DKK2: variants seen among roughly 807,000 people sequenced by gnomAD.
The protein encoded by DKK2 is dickkopf-related protein 2.
In DKK2, 11 loss-of-function variants were observed where a neutral mutation model predicts 28.1. That is an observed-to-expected ratio of 0.39 (90% CI 0.25 to 0.65). The LOEUF (loss-of-function observed/expected upper bound fraction) is 0.65. Ranked by LOEUF, DKK2 falls within the 30% of genes least tolerant of loss-of-function variation. DKK2 has a pLI of 0.47. For missense variants in DKK2, 326 were observed against 335.5 expected (o/e 0.97, Z 0.22); for synonymous variants, 135 against 126.5 (o/e 1.07, Z -0.45).
chr4:106,938,982 A>T (rs1578349500), intron 1 of DKK2, among the ~76,000 whole-genome samples: 1 of 152,078 alleles, frequency 6.6e-6, no homozygotes, highest in East Asian at 1.9e-4. Flanking sequence ...AGAGCTATCT[A>T]TGACAAACCC....
chr4:106,997,746 T>C (rs1407650147), intron 1 of DKK2, among the ~76,000 whole-genome samples: 1 of 152,246 alleles, frequency 6.6e-6, no homozygotes, highest in Non-Finnish European at 1.5e-5. Context: ...TTGAAATGCA[T>C]ATTCAGGTCT....
At chr4:107,011,668 AAT>A in intron 1 of DKK2, among the ~76,000 whole-genome samples, 1 of 150,912 alleles carries the variant, frequency 6.6e-6, no homozygotes, top group African/African-American at 2.4e-5. Context: ...TCCTAAGGGA[AAT>A]TAGCATATAT....
chr4:107,035,403 G>C lies in DKK2; in HGVS notation c.189C>G (p.Phe63Leu). The C allele has an allele frequency of 6.2e-7, 1 of 1,614,192 alleles. No homozygotes were observed. The highest frequency in any genetic ancestry group is 8.5e-7 in the Non-Finnish European group (1 of 1,180,034). The change falls in exon 1 of 4, where the codon TTC becomes TTG. Residue 63 changes from phenylalanine to leucine, a missense_variant. Physicochemically the swap from Phe to Leu is conservative, Grantham distance 22. Transcript: ENST00000285311. ...RSAGMYQGLA[F>L]GGSKKGKNLG... The stretch of plus-strand genomic sequence containing the variant: ...GGTTTTTGCCCTTCTTACTGCCGCC[G>C]AATGCCAGTCCTTGGTACATGCCCG...
chr4:106,945,323 TTTGCTAAAAAGTTCAGTCCTACTTTCTGG>T (rs1724760181), intron 1 of DKK2, among the ~76,000 whole-genome samples: 1 of 152,066 alleles, frequency 6.6e-6, no homozygotes, highest in African/African-American at 2.4e-5. Flanking sequence ...TGTCATAAAA[TTTGCTAAAAAGTTCAGTCCTACTTTCTGG>T]GAACCTCCCA....
chr4:106,969,174 C>G (rs1722825177), intron 1 of DKK2, among the ~76,000 whole-genome samples: 1 of 151,752 alleles, frequency 6.6e-6, no homozygotes, highest in Admixed American at 6.6e-5. Flanking sequence ...AGAATTGATG[C>G]TGGGCTTCCT....
intron 1 of DKK2, among the ~76,000 whole-genome samples, chr4:106,944,652 G>A (rs1724751491): frequency 6.6e-6 from 1 of 151,958 alleles, no homozygotes. Flanking sequence ...TACTTTCTAG[G>A]TTAAATTTCC....
chr4:106,930,404 T>TA (rs1442527505), intron 1 of DKK2, among the ~76,000 whole-genome samples: 1 of 152,110 alleles, frequency 6.6e-6, no homozygotes, highest in African/African-American at 2.4e-5. Context: ...AACATGAAAA[T>TA]ACAACAATGA....
At chr4:106,966,193 T>G (rs1220839400) in intron 1 of DKK2, among the ~76,000 whole-genome samples, 5 of 152,232 alleles carry the variant, frequency 3.3e-5, no homozygotes, top group Non-Finnish European at 7.3e-5. Context: ...AAGTCAGTGA[T>G]AATTAATTTG....
rs979846286 is a variant in DKK2 at position 106,923,126 on chromosome 4, C to T, written c.*828G>A. ...CTCTGTGTAAGTATTTTACTAGTCA[C>T]AATTTATGGGTATAGTTTGGAAAAT... On this transcript the variant is annotated 3_prime_UTR_variant, in exon 4 of 4. Transcript: ENST00000285311. 6.6e-6 allele frequency: 1 copy of T among 152,038 alleles called. No individual in the cohort carries two copies. Among genetic ancestry groups the T allele is most frequent in the African/African-American group, 2.4e-5 (1 of 41,384 alleles). The allele number at this position is 152,038 out of a possible 1,614,324, so 9.4% of individuals were successfully genotyped here.
intron 1 of DKK2, among the ~76,000 whole-genome samples, chr4:106,936,371 G>A (rs1403408580): frequency 6.6e-6 from 1 of 152,118 alleles, no homozygotes; most frequent in Non-Finnish European, 1.5e-5. Context: ...TATCAGCGAT[G>A]GAAGATGAAA....
intron 1 of DKK2, among the ~76,000 whole-genome samples, chr4:106,999,351 CT>C (rs1201474744): frequency 5.9e-5 from 9 of 152,032 alleles, no homozygotes; most frequent in Non-Finnish European, 1.3e-4. Flanking sequence ...ATGTAAATAT[CT>C]TTTTTTCTTT....
chr4:106,929,427 C>A (rs1724469660), intron 1 of DKK2, among the ~76,000 whole-genome samples: 1 of 152,170 alleles, frequency 6.6e-6, no homozygotes, highest in Admixed American at 6.5e-5. Flanking sequence ...ATACGCTCAG[C>A]TTATGAGCAT....
At chr4:106,973,028 T>C (rs1578363229) in intron 1 of DKK2, among the ~76,000 whole-genome samples, 1 of 152,170 alleles carries the variant, frequency 6.6e-6, no homozygotes, top group Admixed American at 6.6e-5. Context: ...CTGAGAATGA[T>C]GGTTTCCAGC....
chr4:106,958,508 G>C (rs1722635851), intron 1 of DKK2, among the ~76,000 whole-genome samples: 1 of 152,018 alleles, frequency 6.6e-6, no homozygotes, highest in African/African-American at 2.4e-5. Context: ...GGCATGCCAA[G>C]CAGTATTTTT....
chr4:106,962,064 G>T (rs1315436384), intron 1 of DKK2, among the ~76,000 whole-genome samples: 4 of 152,102 alleles, frequency 2.6e-5, no homozygotes, highest in African/African-American at 9.7e-5. Flanking sequence ...TTCTGAACTG[G>T]ACTGGGAAAA....
At chr4:106,961,809 T>A (rs1722689161) in intron 1 of DKK2, among the ~76,000 whole-genome samples, 2 of 152,128 alleles carry the variant, frequency 1.3e-5, no homozygotes, top group South Asian at 4.1e-4. Context: ...TTACCGCACC[T>A]CTCTGTGCAT....
intron 1 of DKK2, among the ~76,000 whole-genome samples, chr4:106,958,526 A>G (rs899200439): frequency 6.6e-6 from 1 of 152,046 alleles, no homozygotes; most frequent in Non-Finnish European, 1.5e-5. Context: ...TTTGAAGGAT[A>G]TAGTTAGTAA....
chr4:106,991,703 G>A (rs185020505), intron 1 of DKK2, among the ~76,000 whole-genome samples: 62 of 152,014 alleles, frequency 4.1e-4, no homozygotes, highest in Middle Eastern at 3.4e-3. Flanking sequence ...CAACACATAC[G>A]CATACACACA....
intron 1 of DKK2, among the ~76,000 whole-genome samples, chr4:107,027,284 GCC>G (rs1391004816): frequency 2.0e-5 from 3 of 152,122 alleles, no homozygotes; most frequent in Non-Finnish European, 2.9e-5. Context: ...TCTTCCCTCT[GCC>G]TCTCATTTGG....
Sources: gnomAD v4.1 joint callset for allele counts (sites outside exome capture counted in the v4.1 genomes callset) on GRCh38, gnomAD v4.1.1 for gene constraint, MANE v1.5 for transcripts, NCBI Gene and HGNC (gene_info 2026-07-23, HGNC 2026-07-21) for gene names.